Variants in NRXN3 observed in about 807,000 individuals in gnomAD.
NRXN3 encodes the protein neurexin III.
In NRXN3, 32 loss-of-function variants were observed where a neutral mutation model predicts 137.6. That is an observed-to-expected ratio of 0.23 (90% confidence interval 0.18 to 0.31). NRXN3 has a LOEUF of 0.31. Ranked by LOEUF, NRXN3 falls within the 10% of genes least tolerant of loss-of-function variation. The pLI is 1.00. For missense variants in NRXN3, 1,574 were observed against 2,062.5 expected (o/e 0.76, Z 4.59); for synonymous variants, 798 against 784.5 (o/e 1.02, Z -0.29).
chr14:78,527,870 T>C (rs2096403453), intron 4 of NRXN3, among the ~76,000 whole-genome samples: 1 of 152,186 alleles, frequency 6.6e-6, no homozygotes, highest in African/African-American at 2.4e-5. Context: ...CTTAAAAAGA[T>C]TATCATTTGC....
At chr14:79,574,935 A>C (rs1393357495) in intron 16 of NRXN3, among the ~76,000 whole-genome samples, 1 of 150,410 alleles carries the variant, frequency 6.6e-6, no homozygotes. Flanking sequence ...CCCCTAAACT[A>C]TGTGACATTC....
At chr14:79,141,975 A>G (rs1043340000) in intron 15 of NRXN3, among the ~76,000 whole-genome samples, 1 of 152,202 alleles carries the variant, frequency 6.6e-6, no homozygotes, top group Non-Finnish European at 1.5e-5. Context: ...AATCTCAGCC[A>G]TCAAAATATC....
chr14:78,459,831 A>G (rs1032612730), intron 4 of NRXN3, among the ~76,000 whole-genome samples: 4 of 152,140 alleles, frequency 2.6e-5, no homozygotes, highest in Non-Finnish European at 5.9e-5. Flanking sequence ...TCCAATAGAC[A>G]CCAGCTGGGT....
chr14:78,856,422 A>T (rs2099057202), intron 10 of NRXN3, among the ~76,000 whole-genome samples: 1 of 152,202 alleles, frequency 6.6e-6, no homozygotes, highest in Non-Finnish European at 1.5e-5. Flanking sequence ...TTTATAAAGT[A>T]ACTAATGTAA....
At chr14:79,403,734 T>C (rs1182022824) in intron 15 of NRXN3, among the ~76,000 whole-genome samples, 1 of 152,110 alleles carries the variant, frequency 6.6e-6, no homozygotes, top group East Asian at 1.9e-4. Flanking sequence ...ATGTGAGTGA[T>C]GGTGAGGGAC....
rs74067012 is a variant in NRXN3, at chr14:79,007,432, G to C, written c.3262+19291G>C. On this transcript the variant is annotated intron_variant, in intron 15 of 20. Transcript: ENST00000335750. ...TCAGCCATGTTACATACCTAGAATT[G>C]TCTCTGAAAAAAAAAAGTCATGAAC... 6.7e-3 allele frequency among the ~76,000 whole-genome samples: 989 copies of C among 148,054 alleles called. 10 individuals carry two copies. The highest frequency in any genetic ancestry group is 0.023 in the African/African-American group (902 of 39,884).
chr14:79,680,238 A>G (rs1416672201), intron 17 of NRXN3, among the ~76,000 whole-genome samples: 4 of 152,202 alleles, frequency 2.6e-5, no homozygotes, highest in East Asian at 1.9e-4. Context: ...GCTCACACCT[A>G]CAGATGCATG....
rs74578597 is a variant in NRXN3 at position 78,869,527 on chromosome 14, G to C, written c.2275+59183G>C. 6.5e-3 allele frequency among the ~76,000 whole-genome samples: 982 copies of C among 152,118 alleles called. 13 individuals are homozygous for C. Among genetic ancestry groups the C allele is most frequent in the African/African-American group, 0.022 (920 of 41,482 alleles). ...CCTGTGCCACCTCCTCTCATGATGA[G>C]CCATTCTGTGATGGTGCTTCAGCCT... On this transcript the variant is annotated intron_variant, in intron 10 of 20. Coordinates refer to ENST00000335750, the MANE Select transcript of NRXN3 (RefSeq NM_001330195.2).
chr14:78,979,650 T>A (rs1462949814), intron 14 of NRXN3, among the ~76,000 whole-genome samples: 2 of 152,148 alleles, frequency 1.3e-5, no homozygotes, highest in Non-Finnish European at 2.9e-5. Flanking sequence ...TCTGTTCTCA[T>A]GCTGCTAATA....
chr14:78,632,451 G>A (rs1345676918), intron 4 of NRXN3, among the ~76,000 whole-genome samples: 1 of 152,078 alleles, frequency 6.6e-6, no homozygotes, highest in Non-Finnish European at 1.5e-5. Context: ...TCTCCCACAG[G>A]CATATTATTG....
chr14:79,156,407 C>G (rs1188420577), intron 15 of NRXN3, among the ~76,000 whole-genome samples: 1 of 151,656 alleles, frequency 6.6e-6, no homozygotes, highest in Non-Finnish European at 1.5e-5. Flanking sequence ...TGTTTATGGT[C>G]TATGTCACAA....
chr14:79,143,908 A>G (rs1388559485), intron 15 of NRXN3, among the ~76,000 whole-genome samples: 1 of 152,164 alleles, frequency 6.6e-6, no homozygotes, highest in Admixed American at 6.5e-5. Flanking sequence ...AAACTTTTCT[A>G]TAAGCCCCTT....
chr14:79,074,934 C>A (rs974279964), intron 15 of NRXN3, among the ~76,000 whole-genome samples: 1 of 152,116 alleles, frequency 6.6e-6, no homozygotes, highest in Non-Finnish European at 1.5e-5. Context: ...ATCAAGTCCC[C>A]CTTGGGCACA....
intron 15 of NRXN3, among the ~76,000 whole-genome samples, chr14:79,441,537 A>ATG (rs1567136835): frequency 6.6e-6 from 1 of 151,418 alleles, no homozygotes; most frequent in Non-Finnish European, 1.5e-5. Context: ...CCGCCACCGC[A>ATG]CCCGGCTAAT....
At chr14:78,923,748 T>G (rs2099277436) in intron 10 of NRXN3, among the ~76,000 whole-genome samples, 1 of 152,208 alleles carries the variant, frequency 6.6e-6, no homozygotes, top group Non-Finnish European at 1.5e-5. Context: ...GTGCTAAGGC[T>G]TTTATAAGCT....
intron 16 of NRXN3, among the ~76,000 whole-genome samples, chr14:79,544,136 G>A (rs2097298333): frequency 6.6e-6 from 1 of 152,116 alleles, no homozygotes; most frequent in African/African-American, 2.4e-5. Flanking sequence ...GCCCCCATGG[G>A]GCTGGCTGGG....
intron 15 of NRXN3, among the ~76,000 whole-genome samples, chr14:79,342,485 C>T (rs946400355): frequency 1.3e-5 from 2 of 152,008 alleles, no homozygotes; most frequent in African/African-American, 4.8e-5. Context: ...TGTGTGTGCC[C>T]AAGTACTACT....
chr14:78,407,601 G>A (rs919807194), intron 4 of NRXN3, among the ~76,000 whole-genome samples: 1 of 152,116 alleles, frequency 6.6e-6, no homozygotes, highest in African/African-American at 2.4e-5. Flanking sequence ...TTGACTCTTT[G>A]AGCCCTGTGC....
intron 16 of NRXN3, among the ~76,000 whole-genome samples, chr14:79,477,683 C>T (rs1172772451): frequency 1.3e-5 from 2 of 152,022 alleles, no homozygotes; most frequent in African/African-American, 4.8e-5. Flanking sequence ...ATTATTTTGG[C>T]TCTGTTAAAA....
Sources: gnomAD v4.1 joint callset for allele counts (sites outside exome capture counted in the v4.1 genomes callset) on GRCh38, gnomAD v4.1.1 for gene constraint, MANE v1.5 for transcripts, NCBI Gene and HGNC (gene_info 2026-07-23, HGNC 2026-07-21) for gene names.